SLC39A11: variants seen among roughly 807,000 people sequenced by gnomAD.
SLC39A11 encodes solute carrier family 39 member 11.
SLC39A11 carries 33 observed loss-of-function variants against 36.1 expected under a neutral mutation model. That is an observed-to-expected ratio of 0.91 (90% CI 0.69 to 1.22). SLC39A11 has a LOEUF of 1.22. Among genes scored for constraint, SLC39A11 ranks in the 50% most tolerant of loss-of-function variants. The pLI, the probability that SLC39A11 is intolerant of heterozygous loss-of-function variation, is 0.00. For synonymous variants in SLC39A11, 166 were observed against 170.3 expected, an observed-to-expected ratio of 0.97 and a Z score of 0.20; for missense variants, 432 against 430.3, an observed-to-expected ratio of 1.00 and a Z score of -0.03.
At chr17:72,924,699 G>A (rs9916252) in intron 5 of SLC39A11, among the ~76,000 whole-genome samples, 19,734 of 152,108 alleles carry the variant, frequency 0.13, 2,542 homozygotes, top group African/African-American at 0.34. Flanking sequence ...TCTCCCAGAG[G>A]GAGAAGTCAA....
intron 4 of SLC39A11, among the ~76,000 whole-genome samples, chr17:72,962,225 T>C (rs1205907791): frequency 6.6e-6 from 1 of 152,178 alleles, no homozygotes; most frequent in African/African-American, 2.4e-5. Flanking sequence ...AGATTGTCAC[T>C]GCTGCATGAA....
intron 4 of SLC39A11, among the ~76,000 whole-genome samples, chr17:73,009,808 T>C (rs958011731): frequency 1.4e-4 from 22 of 152,184 alleles, no homozygotes; most frequent in Non-Finnish European, 2.5e-4. Context: ...TACATATGTA[T>C]ACATGTGCCA....
intron 6 of SLC39A11, among the ~76,000 whole-genome samples, chr17:72,800,303 A>ATTTT (rs34172959): frequency 1.4e-4 from 13 of 90,360 alleles, no homozygotes; most frequent in South Asian, 3.8e-4. Context: ...ACCTACAATA[A>ATTTT]TTTTTTTTTT....
At position 72,686,313 on chromosome 17, in the gene SLC39A11, C is replaced by G. The variant is rs566999640; in HGVS notation, c.672-37045G>C. Reference sequence around the variant, plus strand: ...TCCTAGGATTGGAGCCTCATCCCTGCTTCTGAGCCATCGTCCAGTGTCAGG... The same window carrying G: ...TCCTAGGATTGGAGCCTCATCCCTGGTTCTGAGCCATCGTCCAGTGTCAGG... On this transcript the variant is annotated intron_variant, in intron 7 of 9. Transcript: ENST00000255559. 1.4e-3 allele frequency among the ~76,000 whole-genome samples: 210 copies of G among 152,322 alleles called. 6 individuals carry two copies. The South Asian group carries it at 0.043, about 31-fold the overall frequency.
intron 4 of SLC39A11, among the ~76,000 whole-genome samples, chr17:72,973,281 C>T (rs996054952): frequency 6.7e-6 from 1 of 149,230 alleles, no homozygotes; most frequent in African/African-American, 2.5e-5. Context: ...GGACCAGGGT[C>T]AGCCATCCAG....
intron 2 of SLC39A11, among the ~76,000 whole-genome samples, chr17:73,085,612 A>G (rs146861739): frequency 6.9e-6 from 1 of 144,490 alleles, no homozygotes; most frequent in Non-Finnish European, 1.5e-5. Context: ...ATTGCACTCT[A>G]GCCTAGGCAA....
intron 6 of SLC39A11, among the ~76,000 whole-genome samples, chr17:72,827,157 T>C (rs189058232): frequency 1.3e-5 from 2 of 152,364 alleles, no homozygotes; most frequent in Admixed American, 1.3e-4. Context: ...AATGGAATAT[T>C]ATTTGACAAC....
intron 5 of SLC39A11, among the ~76,000 whole-genome samples, chr17:72,928,887 C>G (rs1409694386): frequency 6.6e-6 from 1 of 152,250 alleles, no homozygotes; most frequent in Non-Finnish European, 1.5e-5. Flanking sequence ...ATGCCCTGAG[C>G]ACCTGCTTCA....
At chr17:73,075,452 C>A (rs1321044948) in intron 3 of SLC39A11, among the ~76,000 whole-genome samples, 1 of 152,214 alleles carries the variant, frequency 6.6e-6, no homozygotes, top group African/African-American at 2.4e-5. Context: ...CATTTACTCT[C>A]CCCAGACTTG....
chr17:72,810,095 A>AG (rs988975928), intron 6 of SLC39A11, among the ~76,000 whole-genome samples: 6 of 151,734 alleles, frequency 4.0e-5, no homozygotes, highest in African/African-American at 1.5e-4. Context: ...AAAAAAAAAA[A>AG]AAAAGAAAAG....
chr17:72,821,391 A>T (rs2077773606), intron 6 of SLC39A11, among the ~76,000 whole-genome samples: 1 of 149,766 alleles, frequency 6.7e-6, no homozygotes, highest in Non-Finnish European at 1.5e-5. Context: ...CTGTAGTCCC[A>T]GCTACTCAGG....
At position 72,650,941 on chromosome 17, in the gene SLC39A11, G is replaced by A. The variant is rs373363073; in HGVS notation, c.672-1673C>T. ...AGCCTCTAACAAAGAACACCAAGGCGAATCCCCAGTTTAGCATCTGACCTC... is the reference window on the plus strand; with the variant it reads ...AGCCTCTAACAAAGAACACCAAGGCAAATCCCCAGTTTAGCATCTGACCTC... On this transcript the variant is annotated intron_variant, in intron 7 of 9. Coordinates refer to ENST00000255559, the MANE Select transcript of SLC39A11 (RefSeq NM_139177.4). Among the ~76,000 whole-genome samples, 27 of 152,252 alleles carry A rather than the reference G, an allele frequency of 1.8e-4. 1 individual carries two copies. The East Asian group carries it at 3.1e-3, about 17-fold the overall frequency.
chr17:73,076,750 A>G (rs2060332822), intron 3 of SLC39A11, among the ~76,000 whole-genome samples: 1 of 152,092 alleles, frequency 6.6e-6, no homozygotes, highest in Non-Finnish European at 1.5e-5. Context: ...CAGGATTGAC[A>G]GTAGTGACCT....
At chr17:72,659,652 G>C (rs947001453) in intron 7 of SLC39A11, among the ~76,000 whole-genome samples, 23 of 130,014 alleles carry the variant, frequency 1.8e-4, no homozygotes, top group African/African-American at 6.2e-4. Flanking sequence ...GCGCGATCTT[G>C]GGTCACTGCA....
chr17:72,897,388 G>C (rs1214514633), intron 5 of SLC39A11, among the ~76,000 whole-genome samples: 1 of 152,206 alleles, frequency 6.6e-6, no homozygotes, highest in East Asian at 1.9e-4. Context: ...ACACTTCGGG[G>C]CTTGATAGAC....
chr17:73,003,582 A>G (rs966865575), intron 4 of SLC39A11, among the ~76,000 whole-genome samples: 1 of 152,188 alleles, frequency 6.6e-6, no homozygotes, highest in Non-Finnish European at 1.5e-5. Flanking sequence ...GAGAGGGCAG[A>G]GAAAGCAATC....
intron 4 of SLC39A11, among the ~76,000 whole-genome samples, chr17:73,027,113 C>A (rs535209880): frequency 5.3e-5 from 8 of 152,284 alleles, no homozygotes; most frequent in Admixed American, 1.3e-4. Context: ...CAGAGCAAGA[C>A]CCTGTCTCAA....
intron 6 of SLC39A11, among the ~76,000 whole-genome samples, chr17:72,767,577 G>A (rs559613670): frequency 7.2e-4 from 110 of 152,310 alleles, no homozygotes; most frequent in African/African-American, 2.3e-3. Context: ...ACAGCTCCAC[G>A]GAGAGCAACC....
chr17:72,987,032 G>A lies in SLC39A11; in HGVS notation c.307-39157C>T, dbSNP rs74827483. Among the ~76,000 whole-genome samples, 1,095 of 152,300 alleles carry A rather than the reference G, an allele frequency of 7.2e-3. 15 individuals carry two copies. The highest frequency in any genetic ancestry group is 0.025 in the African/African-American group (1,049 of 41,566). On this transcript the variant is annotated intron_variant, in intron 4 of 9. Transcript: ENST00000255559. ...GAGGAGGGCCTGGTAGGAGGGGTTT[G>A]GGTCACGGGAGCAGATCCCTCATGA...
Sources: gnomAD v4.1 joint callset for allele counts (sites outside exome capture counted in the v4.1 genomes callset) on GRCh38, gnomAD v4.1.1 for gene constraint, MANE v1.5 for transcripts, NCBI Gene and HGNC (gene_info 2026-07-23, HGNC 2026-07-21) for gene names.